The following ARMC3 variants were observed in gnomAD, a reference collection of about 807,000 sequenced individuals.
The protein encoded by ARMC3 is armadillo repeat-containing protein 3.
A neutral mutation model predicts 90.3 loss-of-function variants in ARMC3; 74 were observed. That is an observed-to-expected ratio of 0.82 (90% CI 0.68 to 0.99). ARMC3 has a LOEUF of 0.99. ARMC3 is among the 50% of genes least tolerant of loss of function. ARMC3 has a pLI of 0.00. For missense variants in ARMC3, 958 were observed against 1,042.8 expected (o/e 0.92, Z 1.12); for synonymous variants, 334 against 361.8 (o/e 0.92, Z 0.87).
At chr10:22,999,916 TC>T (rs1315370569) in intron 11 of ARMC3, among the ~76,000 whole-genome samples, 1 of 152,202 alleles carries the variant, frequency 6.6e-6, no homozygotes, top group African/African-American at 2.4e-5. Context: ...TGCCAGGTGC[TC>T]TGCTGGGTAT....
In ARMC3 at chr10:22,959,483, A is replaced by G. The variant is rs1437864075; in HGVS notation, c.446A>G (p.His149Arg). 1.2e-6 allele frequency: 2 copies of G among 1,614,062 alleles called. No individual in the cohort carries two copies. The highest frequency in any genetic ancestry group is 1.7e-6 in the Non-Finnish European group (2 of 1,179,960). The change falls in exon 6 of 19, where the codon CAT becomes CGT. Residue 149 changes from histidine (H) to arginine (R), a missense_variant. His to Arg is a conservative substitution (Grantham distance 29). Coordinates refer to ENST00000298032, the MANE Select transcript of ARMC3 (RefSeq NM_173081.5). Reference protein sequence around the residue: ...EYTSKVQIFEHGGLEPLIRLL... With the variant: ...EYTSKVQIFERGGLEPLIRLL... ...ACCAGTAAAGTGCAAATATTTGAAC[A>G]TGGGGGATTAGAGCCACTCATCAGA...
chr10:22,999,555 T>C (rs1036324604), intron 11 of ARMC3, among the ~76,000 whole-genome samples: 1 of 152,252 alleles, frequency 6.6e-6, no homozygotes, highest in Non-Finnish European at 1.5e-5. Flanking sequence ...CAACGTTTAT[T>C]TGGCACCTAC....
intron 7 of ARMC3, among the ~76,000 whole-genome samples, chr10:22,964,605 A>C (rs181684550): frequency 6.6e-6 from 1 of 151,834 alleles, no homozygotes; most frequent in Non-Finnish European, 1.5e-5. Flanking sequence ...CATCCAGCTA[A>C]TTTTTGTATT....
chr10:22,932,095 A>C (rs1398537508), intron 2 of ARMC3, 51 bp downstream of exon 2: 1 of 1,512,258 alleles, frequency 6.6e-7, no homozygotes, highest in South Asian at 1.2e-5. Context: ...AGTTATAAAA[A>C]TAAATTGTTC....
intron 8 of ARMC3, among the ~76,000 whole-genome samples, chr10:22,970,291 G>T (rs7907979): frequency 0.02 from 3,008 of 152,234 alleles, 103 homozygotes; most frequent in African/African-American, 0.069. Context: ...GAAGGAACAG[G>T]GTGTATAAAA....
intron 10 of ARMC3, among the ~76,000 whole-genome samples, chr10:22,997,836 ATGGTTGTACC>A (rs922917489): frequency 6.6e-5 from 10 of 152,164 alleles, no homozygotes; most frequent in Non-Finnish European, 1.5e-4. Context: ...AATAATAATA[ATGGTTGTACC>A]TTTTTTTTAA....
intron 7 of ARMC3, 111 bp downstream of exon 7, chr10:22,962,189 C>G: frequency 6.7e-6 from 5 of 751,694 alleles, no homozygotes; most frequent in Non-Finnish European, 9.4e-6. Flanking sequence ...GATTAATTTG[C>G]TTATTGCTAC....
chr10:22,998,073 C>A, intron 10 of ARMC3, 75 bp from the exon 11 acceptor site: 1 of 1,495,428 alleles, frequency 6.7e-7, no homozygotes. Context: ...TTTGTTTTAG[C>A]AGCTTAGTTG....
intron 2 of ARMC3, among the ~76,000 whole-genome samples, chr10:22,938,390 G>C (rs1834194077): frequency 6.6e-6 from 1 of 152,166 alleles, no homozygotes; most frequent in African/African-American, 2.4e-5. Context: ...GCAAAAAGGA[G>C]AATTCGTTGG....
At chr10:22,975,029 G>T (rs1835857385) in intron 8 of ARMC3, among the ~76,000 whole-genome samples, 1 of 152,130 alleles carries the variant, frequency 6.6e-6, no homozygotes, top group African/African-American at 2.4e-5. Context: ...ATCTGTTTCA[G>T]TGTGTGCTGT....
chr10:22,949,417 A>G lies in ARMC3; in HGVS notation c.166+3156A>G, dbSNP rs370761203. 2.6e-5 allele frequency among the ~76,000 whole-genome samples: 4 copies of G among 152,240 alleles called. No individual in the cohort carries two copies. The East Asian group carries it at 5.8e-4, about 22-fold the overall frequency. On this transcript the variant is annotated intron_variant, in intron 3 of 18. Coordinates refer to ENST00000298032, the MANE Select transcript of ARMC3 (RefSeq NM_173081.5). ...TTTAGAAAGTGAAAACATGGAAGCT[A>G]TAAGACAGATCCAAATACAACTTCT...
intron 13 of ARMC3, among the ~76,000 whole-genome samples, chr10:23,004,096 C>T (rs12264038): frequency 0.1 from 15,492 of 151,854 alleles, 1,239 homozygotes; most frequent in African/African-American, 0.23. Flanking sequence ...ATGTAGTGAG[C>T]TATGATCACA....
chr10:22,989,845 G>GA (rs1564375524), intron 10 of ARMC3, among the ~76,000 whole-genome samples: 1 of 152,178 alleles, frequency 6.6e-6, no homozygotes, highest in Non-Finnish European at 1.5e-5. Context: ...TACTGGATTG[G>GA]AAAAATCATA....
rs150038828 is a variant in ARMC3, at chr10:22,984,493, A to G, written c.1175+2793A>G. Among the ~76,000 whole-genome samples the G allele has an allele frequency of 7.2e-5, 11 of 152,318 alleles. 1 individual carries two copies. The East Asian group carries it at 2.1e-3, about 29-fold the overall frequency. On this transcript the variant is annotated intron_variant, in intron 10 of 18. Transcript: ENST00000298032. ...ATTAAAATCTTTTTGTAATCTAAAA[A>G]TAGAATTTTATAATCTTTATGTAAA...
At chr10:22,938,123 G>T (rs2131149342) in intron 2 of ARMC3, among the ~76,000 whole-genome samples, 1 of 152,294 alleles carries the variant, frequency 6.6e-6, no homozygotes, top group East Asian at 1.9e-4. Flanking sequence ...AGAATCTTGG[G>T]CAGGCCTTCT....
intron 8 of ARMC3, among the ~76,000 whole-genome samples, chr10:22,969,330 T>C (rs1835582336): frequency 1.3e-5 from 2 of 152,266 alleles, no homozygotes; most frequent in South Asian, 4.1e-4. Flanking sequence ...TGGAGTCTTT[T>C]ATCTAATAAA....
chr10:22,954,981 G>C (rs1834870981), intron 3 of ARMC3, among the ~76,000 whole-genome samples: 1 of 152,142 alleles, frequency 6.6e-6, no homozygotes, highest in Non-Finnish European at 1.5e-5. Flanking sequence ...CTGATGTAAA[G>C]TCCTAGAGTT....
At chr10:23,009,762 G>T (rs1781347273) in intron 16 of ARMC3, among the ~76,000 whole-genome samples, 1 of 152,220 alleles carries the variant, frequency 6.6e-6, no homozygotes, top group South Asian at 2.1e-4. Flanking sequence ...CTCCCAAAGT[G>T]CTGGGATTAC....
At chr10:23,009,785 C>T (rs1837825199) in intron 16 of ARMC3, among the ~76,000 whole-genome samples, 1 of 152,226 alleles carries the variant, frequency 6.6e-6, no homozygotes, top group African/African-American at 2.4e-5. Flanking sequence ...GCATGAGCCA[C>T]CCTGCTCGGC....
Sources: gnomAD v4.1 joint callset for allele counts (sites outside exome capture counted in the v4.1 genomes callset) on GRCh38, gnomAD v4.1.1 for gene constraint, MANE v1.5 for transcripts, NCBI Gene and HGNC (gene_info 2026-07-23, HGNC 2026-07-21) for gene names.